Variants in TGM7 observed in about 807,000 individuals in gnomAD.
The protein encoded by TGM7 is protein-glutamine gamma-glutamyltransferase Z.
Under a neutral mutation model 79.5 loss-of-function variants are expected in TGM7, and 74 were observed. The ratio of observed to expected loss-of-function variants is 0.93; its 90% confidence interval spans 0.77 to 1.13. TGM7 has a LOEUF of 1.13. Ranked by LOEUF, TGM7 falls within the 50% of genes most tolerant of loss-of-function variation. The probability of loss-of-function intolerance (pLI) is 0.00; values close to 1 mark genes in which losing one functional copy is unlikely to be tolerated. For synonymous variants in TGM7, 354 were observed against 362.5 expected, an observed-to-expected ratio of 0.98 and a Z score of 0.27; for missense variants, 912 against 905.9, an observed-to-expected ratio of 1.01 and a Z score of -0.09.
chr15:43,299,736 CATT>C (rs1468971178), intron 1 of TGM7, among the ~76,000 whole-genome samples: 1 of 152,214 alleles, frequency 6.6e-6, no homozygotes, highest in Non-Finnish European at 1.5e-5. Context: ...TTCCATTTCT[CATT>C]ATTGTTGTCC....
chr15:43,293,253 A>G (rs767173987), intron 2 of TGM7, among the ~76,000 whole-genome samples, 196 bp downstream of exon 2: 1 of 152,196 alleles, frequency 6.6e-6, no homozygotes, highest in African/African-American at 2.4e-5. Context: ...GTTAACTGCC[A>G]CAACCTCAGT....
chr15:43,281,715 A>G (rs2042909656), intron 9 of TGM7, 129 bp downstream of exon 9: 4 of 1,377,782 alleles, frequency 2.9e-6, no homozygotes, highest in Non-Finnish European at 3.0e-6. Flanking sequence ...GGATCCAGGA[A>G]GGACCCCTAG....
chr15:43,286,740 A>T (rs1390074450), intron 6 of TGM7, among the ~76,000 whole-genome samples: 2 of 152,230 alleles, frequency 1.3e-5, no homozygotes, highest in African/African-American at 4.8e-5. Flanking sequence ...TCATCTTCAC[A>T]GATGGTCTGC....
At chr15:43,291,467 G>T (rs527378825) in intron 4 of TGM7, among the ~76,000 whole-genome samples, 1 of 152,322 alleles carries the variant, frequency 6.6e-6, no homozygotes, top group South Asian at 2.1e-4. Context: ...AATGAACATG[G>T]CTATTTGCAA....
chr15:43,298,240 A>G (rs925112651), intron 1 of TGM7, among the ~76,000 whole-genome samples: 1 of 152,112 alleles, frequency 6.6e-6, no homozygotes, highest in South Asian at 2.1e-4. Flanking sequence ...ATAGACACAC[A>G]TGTGCGTGAG....
chr15:43,293,951 G>A (rs1367665620), intron 1 of TGM7, among the ~76,000 whole-genome samples: 1 of 149,302 alleles, frequency 6.7e-6, no homozygotes, highest in Non-Finnish European at 1.5e-5. Context: ...GCATGGGGAA[G>A]TGTTGATACT....
chr15:43,281,063 G>T (rs942380705), intron 9 of TGM7, among the ~76,000 whole-genome samples: 1 of 152,212 alleles, frequency 6.6e-6, no homozygotes, highest in Non-Finnish European at 1.5e-5. Context: ...GCCTCCAACA[G>T]CTTAACCCAA....
At chr15:43,293,336 G>T in intron 2 of TGM7, 113 bp downstream of exon 2, 1 of 1,360,304 alleles carries the variant, frequency 7.4e-7, no homozygotes, top group Non-Finnish European at 1.0e-6. Context: ...GGGCTCCCAG[G>T]ACAAGAAAGT....
intron 4 of TGM7, among the ~76,000 whole-genome samples, chr15:43,290,467 G>T (rs1408023125): frequency 2.0e-5 from 3 of 152,146 alleles, no homozygotes; most frequent in African/African-American, 7.2e-5. Flanking sequence ...GGTTACTGTA[G>T]CCTTGTAGTA....
At chr15:43,278,167 T>G (rs115629509) in intron 11 of TGM7, among the ~76,000 whole-genome samples, 1 of 151,870 alleles carries the variant, frequency 6.6e-6, no homozygotes. Context: ...TCTATTGGGG[T>G]GGGGAGGGGC....
chr15:43,297,336 C>T (rs933850242), intron 1 of TGM7, among the ~76,000 whole-genome samples: 4 of 151,784 alleles, frequency 2.6e-5, no homozygotes, highest in Non-Finnish European at 4.4e-5. Flanking sequence ...GCTTATAATC[C>T]CAGCTACTCA....
At chr15:43,288,375 G>C (rs1279491312) in intron 4 of TGM7, among the ~76,000 whole-genome samples, 1 of 152,218 alleles carries the variant, frequency 6.6e-6, no homozygotes, top group Non-Finnish European at 1.5e-5. Context: ...ACAGGACTGA[G>C]GTGGCAGTGG....
At chr15:43,295,095 C>T (rs1027838726) in intron 1 of TGM7, among the ~76,000 whole-genome samples, 1 of 152,162 alleles carries the variant, frequency 6.6e-6, no homozygotes, top group African/African-American at 2.4e-5. Flanking sequence ...GTAGAGACAG[C>T]ATCTCCCTAT....
chr15:43,286,881 C>A (rs1186167939), intron 6 of TGM7, among the ~76,000 whole-genome samples: 1 of 152,322 alleles, frequency 6.6e-6, no homozygotes, highest in East Asian at 1.9e-4. Flanking sequence ...CATTTGGGGG[C>A]TGCTAGCTCT....
rs760491845 is a variant in TGM7, at chr15:43,292,745, C to A, written c.403G>T (p.Gly135Ter). The A allele has an allele frequency of 5.0e-6, 8 of 1,614,132 alleles. No individual in the cohort carries two copies. In the South Asian group the frequency reaches 7.7e-5, roughly 16 times the overall value. ...GGGTTAAAAAGTAGGATGAAAGTTC[C>A]CAGCGGGTAAGTCACACTGTGACCT... ...GQGHSVTYPL[G>*]TFILLFNPWS... The change falls in exon 3 of 13, where the codon GGA becomes TGA. Residue 135 changes from glycine to a stop codon, truncating the protein, a stop_gained. Transcript: ENST00000452443. LOFTEE classifies it high-confidence loss of function.
chr15:43,287,509 G>A (rs1467979517), intron 5 of TGM7, 32 bp downstream of exon 5: 1 of 1,613,072 alleles, frequency 6.2e-7, no homozygotes. Flanking sequence ...AGCTCAGACT[G>A]TCCTCAGACG....
intron 1 of TGM7, among the ~76,000 whole-genome samples, chr15:43,297,787 A>G (rs2043007020): frequency 6.6e-6 from 1 of 152,140 alleles, no homozygotes; most frequent in African/African-American, 2.4e-5. Flanking sequence ...AGCAGTAACC[A>G]CTGCACAGGG....
At chr15:43,285,794 T>C (rs868567658) in intron 6 of TGM7, among the ~76,000 whole-genome samples, 1 of 152,046 alleles carries the variant, frequency 6.6e-6, no homozygotes, top group Admixed American at 6.6e-5. Context: ...AGCTGAGTTA[T>C]GATTTCACAA....
At position 43,277,000 on chromosome 15, in the gene TGM7, G is replaced by T. The variant is rs1314769941; in HGVS notation, c.1840-5C>A. On this transcript the variant is annotated splice_polypyrimidine_tract_variant and splice_region_variant and intron_variant, in intron 11 of 12. Coordinates refer to ENST00000452443, the MANE Select transcript of TGM7 (RefSeq NM_052955.3). ...CACCTCAGCCCTCTCAGACACCTGT[G>T]TGGAGAGAAGTCAGCAATCCCATGG... 1.9e-6 allele frequency: 3 copies of T among 1,613,514 alleles called. No individual in the cohort carries two copies. The highest frequency in any genetic ancestry group is 1.7e-6 in the Non-Finnish European group (2 of 1,179,846).
Sources: allele counts gnomAD v4.1 joint callset (sites outside exome capture counted in the v4.1 genomes callset), GRCh38; gene constraint gnomAD v4.1.1; transcripts MANE v1.5; gene names NCBI Gene and HGNC (gene_info 2026-07-23, HGNC 2026-07-21).